The following CCSER2 variants were observed in gnomAD, a reference collection of about 807,000 sequenced individuals.
CCSER2 encodes the protein coiled-coil serine rich protein 2, also known as serine-rich coiled-coil domain-containing protein 2.
CCSER2 carries 46 observed loss-of-function variants against 92.3 expected under a neutral mutation model. That is an observed-to-expected ratio of 0.50 (90% CI 0.39 to 0.64). CCSER2 has a LOEUF of 0.64. Ranked by LOEUF, CCSER2 falls within the 30% of genes least tolerant of loss-of-function variation. The pLI is 0.00. For synonymous variants in CCSER2, 433 were observed against 431.4 expected, an observed-to-expected ratio of 1.00 and a Z score of -0.04; for missense variants, 1,244 against 1,238.9, an observed-to-expected ratio of 1.00 and a Z score of -0.06.
At chr10:84,459,931 G>A (rs1173169539) in intron 6 of CCSER2, among the ~76,000 whole-genome samples, 1 of 152,070 alleles carries the variant, frequency 6.6e-6, no homozygotes, top group African/African-American at 2.4e-5. Context: ...AAATTTATCT[G>A]TGTAGTCTAT....
intron 1 of CCSER2, among the ~76,000 whole-genome samples, chr10:84,330,535 CAG>C (rs1400832768): frequency 3.9e-5 from 6 of 152,126 alleles, no homozygotes; most frequent in African/African-American, 7.2e-5. Context: ...TTTTTTGAGA[CAG>C]AGTCTTGCAC....
chr10:84,498,584 A>T (rs924220835), intron 9 of CCSER2, among the ~76,000 whole-genome samples: 2 of 152,188 alleles, frequency 1.3e-5, no homozygotes, highest in African/African-American at 2.4e-5. Flanking sequence ...AGTGAGAAAA[A>T]TTTTTTTCAT....
In CCSER2 at chr10:84,515,862, C is replaced by A. The variant is rs1048561993; in HGVS notation, c.*1595C>A. On this transcript the variant is annotated 3_prime_UTR_variant, in exon 10 of 10. Coordinates refer to ENST00000372088, the MANE Select transcript of CCSER2 (RefSeq NM_001284240.2). ...AGGTAGGTGTGGAACCTCCATGCTACCATGTGCACAAACCTAATTATGCTT... is the reference window on the plus strand; with the variant it reads ...AGGTAGGTGTGGAACCTCCATGCTAACATGTGCACAAACCTAATTATGCTT... The A allele has an allele frequency of 6.6e-6, 1 of 152,164 alleles. No homozygotes were observed. 9.4% of individuals were successfully genotyped at this position (152,164 alleles called of 1,614,324 possible).
chr10:84,456,078 G>T, intron 6 of CCSER2: 1 of 406,416 alleles, frequency 2.5e-6, no homozygotes. Flanking sequence ...TCAGGCCAAA[G>T]ACCCGAGCTG....
chr10:84,387,826 C>A (rs1185710116), intron 3 of CCSER2, among the ~76,000 whole-genome samples: 1 of 152,032 alleles, frequency 6.6e-6, no homozygotes, highest in African/African-American at 2.4e-5. Flanking sequence ...CCGCGCCCGG[C>A]CACACTGAAG....
intron 4 of CCSER2, 97 bp from the exon 5 acceptor site, chr10:84,425,629 ATTATT>A (rs1843387505): frequency 2.7e-6 from 2 of 735,104 alleles, no homozygotes; most frequent in Non-Finnish European, 4.0e-6. Flanking sequence ...TTTTTAAACT[ATTATT>A]TTTATTTGAT....
intron 1 of CCSER2, among the ~76,000 whole-genome samples, chr10:84,361,703 G>T (rs1185198098): frequency 6.6e-6 from 1 of 151,408 alleles, no homozygotes; most frequent in Non-Finnish European, 1.5e-5. Flanking sequence ...GTGCAGTGGT[G>T]CAATCTCACC....
intron 9 of CCSER2, among the ~76,000 whole-genome samples, chr10:84,479,480 G>A (rs1287184826): frequency 6.6e-6 from 1 of 152,154 alleles, no homozygotes; most frequent in Non-Finnish European, 1.5e-5. Flanking sequence ...CTGCAAATAA[G>A]ATCTCTGAAG....
At chr10:84,341,022 CCACT>C (rs920736351) in intron 1 of CCSER2, among the ~76,000 whole-genome samples, 2 of 150,536 alleles carry the variant, frequency 1.3e-5, no homozygotes, top group Non-Finnish European at 2.9e-5. Flanking sequence ...CTCTCATGTA[CCACT>C]CAATGTAACA....
chr10:84,329,183 T>G lies in CCSER2; in HGVS notation c.-40+375T>G, dbSNP rs570458458. Among the ~76,000 whole-genome samples, 6 of 152,270 alleles carry G rather than the reference T, an allele frequency of 3.9e-5. No individual in the cohort carries two copies. In the South Asian group the frequency reaches 8.3e-4, roughly 21 times the overall value. ...GGGCTCCCCGAATGAGTTCGATTTT[T>G]TTTTTCTTTCAATTACTGGGCTAAA... On this transcript the variant is annotated intron_variant, in intron 1 of 9. Transcript: ENST00000372088.
chr10:84,372,208 A>G lies in CCSER2; in HGVS notation c.1156A>G (p.Lys386Glu). The G allele has an allele frequency of 6.2e-7, 1 of 1,613,630 alleles. No individual in the cohort carries two copies. The highest frequency in any genetic ancestry group is 8.5e-7 in the Non-Finnish European group (1 of 1,179,742). The change falls in exon 2 of 10, where the codon AAA becomes GAA. Residue 386 changes from lysine to glutamate, a missense_variant. Coordinates refer to ENST00000372088, the MANE Select transcript of CCSER2 (RefSeq NM_001284240.2). ...CAACCAGACCATGAAACATGATGCT[A>G]AAATGAGATACCTGAGTGATGATGT... The part of the protein sequence containing the change: ...KNNQTMKHDA[K>E]MRYLSDDVDD...
rs564768852 is a variant in CCSER2 at position 84,332,585 on chromosome 10, C to T, written c.-40+3777C>T. 3.8e-4 allele frequency among the ~76,000 whole-genome samples: 57 copies of T among 150,610 alleles called. No homozygotes were observed. The South Asian group carries it at 9.2e-3, about 24-fold the overall frequency. On this transcript the variant is annotated intron_variant, in intron 1 of 9. Coordinates refer to ENST00000372088, the MANE Select transcript of CCSER2 (RefSeq NM_001284240.2). ...TCCCCAGTAGCTGGGACTACAGGCACGCGCCACCACGCCTGCCTAATTTTT... is the reference window on the plus strand; with the variant it reads ...TCCCCAGTAGCTGGGACTACAGGCATGCGCCACCACGCCTGCCTAATTTTT...
At chr10:84,431,857 G>A (rs2350736) in intron 5 of CCSER2, among the ~76,000 whole-genome samples, 130,059 of 152,246 alleles carry the variant, frequency 0.85, 55,632 homozygotes, top group East Asian at 0.9. Flanking sequence ...TAAAACTGCT[G>A]TAAACATTTA....
At chr10:84,354,839 G>A in intron 1 of CCSER2, among the ~76,000 whole-genome samples, 1 of 151,118 alleles carries the variant, frequency 6.6e-6, no homozygotes, top group East Asian at 2.0e-4. Flanking sequence ...CATAATGTTT[G>A]CCCTCAATCA....
intron 1 of CCSER2, among the ~76,000 whole-genome samples, chr10:84,351,702 T>G (rs927216095): frequency 4.6e-5 from 7 of 152,208 alleles, no homozygotes; most frequent in Non-Finnish European, 8.8e-5. Flanking sequence ...ATTTTATAAT[T>G]AGTTTAATAA....
At chr10:84,433,484 T>C (rs1434965794) in intron 5 of CCSER2, among the ~76,000 whole-genome samples, 1 of 151,888 alleles carries the variant, frequency 6.6e-6, no homozygotes, top group African/African-American at 2.4e-5. Context: ...TATACAAACA[T>C]CTGCACTTGC....
At chr10:84,416,471 A>T (rs1185651923) in intron 3 of CCSER2, among the ~76,000 whole-genome samples, 1 of 152,220 alleles carries the variant, frequency 6.6e-6, no homozygotes, top group Non-Finnish European at 1.5e-5. Flanking sequence ...AAAAATGAAA[A>T]AAAAATTTCC....
At chr10:84,436,379 T>G (rs1446242919) in intron 5 of CCSER2, among the ~76,000 whole-genome samples, 2 of 131,458 alleles carry the variant, frequency 1.5e-5, no homozygotes, top group Non-Finnish European at 3.1e-5. Context: ...CTCAAGCCTG[T>G]CATCCCAGCA....
At chr10:84,389,531 C>A in intron 3 of CCSER2, 1 of 279,320 alleles carries the variant, frequency 3.6e-6, no homozygotes, top group Non-Finnish European at 7.1e-6. Flanking sequence ...GGGGGCCGAT[C>A]TTGGGGGCCA....
Sources: gnomAD v4.1 joint callset for allele counts (sites outside exome capture counted in the v4.1 genomes callset) on GRCh38, gnomAD v4.1.1 for gene constraint, MANE v1.5 for transcripts, NCBI Gene and HGNC (gene_info 2026-07-23, HGNC 2026-07-21) for gene names.